SNX29: variants seen among roughly 807,000 people sequenced by gnomAD.
The protein encoded by SNX29 is sorting nexin-29.
Under a neutral mutation model 102.1 loss-of-function variants are expected in SNX29, and 78 were observed. That is an observed-to-expected ratio of 0.76 (90% CI 0.64 to 0.92). SNX29 has a LOEUF of 0.92. Among genes scored for constraint, SNX29 ranks in the 40% least tolerant of loss-of-function variants. The pLI is 0.00. For synonymous variants in SNX29, 580 were observed against 414.5 expected (o/e 1.40, Z -4.85); for missense variants, 1,280 against 1,061.7 (o/e 1.21, Z -2.86).
chr16:12,472,349 C>T (rs963873846), intron 18 of SNX29, among the ~76,000 whole-genome samples: 29 of 151,992 alleles, frequency 1.9e-4, no homozygotes, highest in Non-Finnish European at 2.8e-4. Flanking sequence ...GGTGAAACCC[C>T]GTCTCTACAA....
intron 14 of SNX29, among the ~76,000 whole-genome samples, chr16:12,214,219 A>G (rs563570593): frequency 8.1e-4 from 124 of 152,280 alleles, no homozygotes; most frequent in Non-Finnish European, 1.2e-3. Context: ...TGTTCATTTC[A>G]TTTTTATTGT....
chr16:12,253,975 A>T (rs1406310507), intron 14 of SNX29, among the ~76,000 whole-genome samples: 1 of 152,100 alleles, frequency 6.6e-6, no homozygotes, highest in Admixed American at 6.5e-5. Context: ...CTGGAGCTGG[A>T]AGGATTTCCA....
At chr16:12,053,325 T>G (rs2050384988) in intron 8 of SNX29, 2 of 128,588 alleles carry the variant, frequency 1.6e-5, no homozygotes, top group Admixed American at 1.6e-4. Context: ...ATACCCCAAA[T>G]AAGCTAGTTA....
chr16:12,568,571 T>TGTCCCGGGGTCA lies in SNX29; in HGVS notation c.2386_2397dup (p.Ser796_Gln799dup). On this transcript the variant is annotated inframe_insertion, in exon 21 of 21. Transcript: ENST00000566228. The stretch of plus-strand genomic sequence containing the variant: ...AAAGCAGCTTCCCGCTTCCCCAAAC[T>TGTCCCGGGGTCA]GTCCCGGGGTCAGCCCCGGGAGACC... 1.2e-6 allele frequency: 2 copies of TGTCCCGGGGTCA among 1,608,042 alleles called. No homozygotes were observed. Among genetic ancestry groups the TGTCCCGGGGTCA allele is most frequent in the Non-Finnish European group, 1.7e-6 (2 of 1,179,836 alleles).
At chr16:12,540,117 C>G (rs75625366) in intron 20 of SNX29, among the ~76,000 whole-genome samples, 1 of 152,178 alleles carries the variant, frequency 6.6e-6, no homozygotes, top group African/African-American at 2.4e-5. Context: ...TAAAGATTTT[C>G]TCCTAGGTTT....
rs185588045 is a variant in SNX29, at chr16:12,337,771, G to A, written c.1783-18392G>A. Among the ~76,000 whole-genome samples, 15 of 152,304 alleles carry A rather than the reference G, an allele frequency of 9.8e-5. No homozygotes were observed. The East Asian group carries it at 2.9e-3, about 29-fold the overall frequency. ...TTTCCCTGGCCGAGTGAGGACAATGGCCTCATGGAGAAACCCTGAGATTTT... is the reference window on the plus strand; with the variant it reads ...TTTCCCTGGCCGAGTGAGGACAATGACCTCATGGAGAAACCCTGAGATTTT... On this transcript the variant is annotated intron_variant, in intron 15 of 20. Coordinates refer to ENST00000566228, the MANE Select transcript of SNX29 (RefSeq NM_032167.5).
chr16:12,048,708 C>G, intron 7 of SNX29, 88 bp downstream of exon 7: 1 of 1,608,004 alleles, frequency 6.2e-7, no homozygotes, highest in Non-Finnish European at 8.5e-7. Context: ...GAAAGTCATT[C>G]CAAGGGGAAT....
intron 16 of SNX29, among the ~76,000 whole-genome samples, chr16:12,361,835 A>G (rs2082308107): frequency 6.6e-6 from 1 of 152,150 alleles, no homozygotes; most frequent in Non-Finnish European, 1.5e-5. Flanking sequence ...AAAAGGGTGA[A>G]ATAAATTTCT....
At chr16:12,484,538 C>A (rs1448667242) in intron 19 of SNX29, among the ~76,000 whole-genome samples, 1 of 152,174 alleles carries the variant, frequency 6.6e-6, no homozygotes, top group African/African-American at 2.4e-5. Context: ...GAGGTGTCCC[C>A]TGGTAGCTCC....
intron 19 of SNX29, among the ~76,000 whole-genome samples, chr16:12,514,048 G>C (rs1448973553): frequency 2.6e-5 from 4 of 152,236 alleles, no homozygotes; most frequent in African/African-American, 9.6e-5. Context: ...GCCGTGGATT[G>C]CGGCTTGCTC....
intron 7 of SNX29, among the ~76,000 whole-genome samples, chr16:12,049,517 G>C (rs907601659): frequency 3.3e-5 from 5 of 152,074 alleles, no homozygotes; most frequent in Non-Finnish European, 7.4e-5. Context: ...ATTTTTAGCA[G>C]AGACAGGGTT....
At chr16:12,535,071 A>G (rs1370675782) in intron 20 of SNX29, among the ~76,000 whole-genome samples, 1 of 152,220 alleles carries the variant, frequency 6.6e-6, no homozygotes, top group Non-Finnish European at 1.5e-5. Context: ...CTCCACAGTC[A>G]AGAAAAAGAG....
rs1486760683 is a variant in SNX29, at chr16:12,514,902, GAGAGAGAAAGAA to G, written c.2179-9784_2179-9773del. On this transcript the variant is annotated intron_variant, in intron 19 of 20. Coordinates refer to ENST00000566228, the MANE Select transcript of SNX29 (RefSeq NM_032167.5). Reference sequence around the variant, plus strand: ...AAAGAAAGAAAGAGAGAGAGAGAGGGAGAGAGAAAGAAAGAGAGAAAGAAAGAAAGAAAGAAA... The same window carrying G: ...AAAGAAAGAAAGAGAGAGAGAGAGGGAGAGAGAAAGAAAGAAAGAAAGAAA... Among the ~76,000 whole-genome samples the G allele has an allele frequency of 1.3e-3, 192 of 148,402 alleles. 1 individual carries two copies. The highest frequency in any genetic ancestry group is 4.3e-3 in the African/African-American group (172 of 39,782).
intron 15 of SNX29, among the ~76,000 whole-genome samples, chr16:12,334,901 C>CTTTT (rs36176543): frequency 0.37 from 34,299 of 93,390 alleles, 6,906 homozygotes; most frequent in Non-Finnish European, 0.47. Flanking sequence ...GCCCCAGAGC[C>CTTTT]TTTTTTTTTT....
intron 9 of SNX29, among the ~76,000 whole-genome samples, chr16:12,063,086 C>T (rs1229846600): frequency 6.6e-6 from 1 of 152,184 alleles, no homozygotes; most frequent in East Asian, 1.9e-4. Context: ...CTGATGAACT[C>T]ATCTGCTCTT....
At chr16:12,190,545 C>T (rs983994121) in intron 13 of SNX29, among the ~76,000 whole-genome samples, 1 of 152,106 alleles carries the variant, frequency 6.6e-6, no homozygotes, top group Admixed American at 6.5e-5. Flanking sequence ...TGAGGAGACA[C>T]TTGCAAAATG....
intron 19 of SNX29, among the ~76,000 whole-genome samples, chr16:12,504,091 C>T (rs67054068): frequency 6.6e-6 from 1 of 152,014 alleles, no homozygotes; most frequent in Non-Finnish European, 1.5e-5. Flanking sequence ...AGCAACCACT[C>T]ATCTGTTTTC....
At chr16:12,419,958 G>A (rs904881342) in intron 18 of SNX29, among the ~76,000 whole-genome samples, 2 of 152,238 alleles carry the variant, frequency 1.3e-5, no homozygotes, top group African/African-American at 2.4e-5. Flanking sequence ...ACTGAAGCCT[G>A]CAGGCTGCCC....
intron 19 of SNX29, among the ~76,000 whole-genome samples, chr16:12,518,216 T>C (rs2089949715): frequency 6.6e-6 from 1 of 152,118 alleles, no homozygotes; most frequent in Admixed American, 6.5e-5. Flanking sequence ...CCCCCAGCAT[T>C]GCTTCTCAGT....
Sources: gnomAD v4.1 joint callset for allele counts (sites outside exome capture counted in the v4.1 genomes callset) on GRCh38, gnomAD v4.1.1 for gene constraint, MANE v1.5 for transcripts, NCBI Gene and HGNC (gene_info 2026-07-23, HGNC 2026-07-21) for gene names.